The following PCDHA13 variants were observed in gnomAD, a reference collection of about 807,000 sequenced individuals.
PCDHA13 encodes protocadherin alpha-13.
A neutral mutation model predicts 64.8 loss-of-function variants in PCDHA13; 54 were observed. That is an observed-to-expected ratio of 0.83 (90% CI 0.67 to 1.04). The LOEUF is 1.04. Among genes scored for constraint, PCDHA13 ranks in the 50% least tolerant of loss-of-function variants. The pLI, the probability that PCDHA13 is intolerant of heterozygous loss-of-function variation, is 0.00. For missense variants in PCDHA13, 1,248 were observed against 1,254.3 expected (o/e 0.99, Z 0.08); for synonymous variants, 587 against 564.4 (o/e 1.04, Z -0.57).
At chr5:140,895,525 T>G (rs1172545825) in intron 1 of PCDHA13, among the ~76,000 whole-genome samples, 1 of 152,196 alleles carries the variant, frequency 6.6e-6, no homozygotes, top group Non-Finnish European at 1.5e-5. Context: ...GGTTTATTCG[T>G]TTTTCAATTG....
At chr5:140,931,853 G>A (rs2087796602) in intron 1 of PCDHA13, among the ~76,000 whole-genome samples, 1 of 151,744 alleles carries the variant, frequency 6.6e-6, no homozygotes, top group African/African-American at 2.4e-5. Context: ...ATAACAACAG[G>A]ATTCTAGAAA....
intron 3 of PCDHA13, among the ~76,000 whole-genome samples, chr5:140,998,973 G>A (rs572810777): frequency 1.3e-5 from 2 of 152,352 alleles, no homozygotes; most frequent in African/African-American, 2.4e-5. Flanking sequence ...TAGTATCCTA[G>A]AAAATAGTAG....
At chr5:140,942,406 G>GT (rs1554214961) in intron 1 of PCDHA13, among the ~76,000 whole-genome samples, 2 of 149,658 alleles carry the variant, frequency 1.3e-5, no homozygotes, top group South Asian at 2.1e-4. Flanking sequence ...ATGAGACTCT[G>GT]TTTAAAAAAA....
intron 1 of PCDHA13, among the ~76,000 whole-genome samples, chr5:140,900,353 C>T (rs1426808430): frequency 6.6e-6 from 1 of 152,092 alleles, no homozygotes; most frequent in Non-Finnish European, 1.5e-5. Flanking sequence ...TCTTGGCTCA[C>T]CGCAACCTCT....
At chr5:140,950,559 T>TAA (rs1381352344) in intron 1 of PCDHA13, among the ~76,000 whole-genome samples, 1 of 152,076 alleles carries the variant, frequency 6.6e-6, no homozygotes, top group African/African-American at 2.4e-5. Flanking sequence ...GGGGGACACT[T>TAA]ATTTTAAGGT....
intron 1 of PCDHA13, among the ~76,000 whole-genome samples, chr5:140,901,937 A>G (rs2068997026): frequency 6.7e-6 from 1 of 148,692 alleles, no homozygotes; most frequent in South Asian, 2.1e-4. Context: ...ATTCCTAGGT[A>G]TATTTAGTTT....
chr5:140,898,653 G>A (rs1321472129), intron 1 of PCDHA13, among the ~76,000 whole-genome samples: 1 of 152,202 alleles, frequency 6.6e-6, no homozygotes, highest in Non-Finnish European at 1.5e-5. Context: ...TTTTGGCTTA[G>A]GATTGACTTG....
intron 1 of PCDHA13, among the ~76,000 whole-genome samples, chr5:140,946,432 A>C (rs1254032204): frequency 6.6e-6 from 1 of 151,682 alleles, no homozygotes; most frequent in Admixed American, 6.6e-5. Context: ...GTTACTCAAA[A>C]ATTGAGACTA....
chr5:141,009,892 G>GTTT lies in PCDHA13; in HGVS notation c.2808_2809insTTT (p.Glu936_Lys937insPhe). 6.2e-7 allele frequency: 1 copy of GTTT among 1,612,140 alleles called. No individual in the cohort carries two copies. Among genetic ancestry groups the GTTT allele is most frequent in the Non-Finnish European group, 8.5e-7 (1 of 1,179,578 alleles). ...AGAAGAAGGGTAACAAGACCCAGGAGAAAAAAGAGAAAGGGAACAGCACGA... is the reference window on the plus strand; with the variant it reads ...AGAAGAAGGGTAACAAGACCCAGGAGTTTAAAAAAGAGAAAGGGAACAGCACGA... On this transcript the variant is annotated inframe_insertion, in exon 4 of 4. Transcript: ENST00000289272.
intron 1 of PCDHA13, among the ~76,000 whole-genome samples, chr5:140,972,667 T>G (rs1442293512): frequency 1.3e-5 from 2 of 149,086 alleles, no homozygotes; most frequent in East Asian, 3.9e-4. Context: ...CAAATTTTTT[T>G]TTTTTTTTTT....
intron 1 of PCDHA13, among the ~76,000 whole-genome samples, chr5:140,959,620 G>GA (rs1247214459): frequency 4.6e-5 from 7 of 151,966 alleles, no homozygotes; most frequent in African/African-American, 1.4e-4. Context: ...GCTTGTGATA[G>GA]AAAAAAAGAG....
intron 1 of PCDHA13, among the ~76,000 whole-genome samples, chr5:140,918,680 C>T (rs1291001659): frequency 6.6e-6 from 1 of 152,084 alleles, no homozygotes; most frequent in Non-Finnish European, 1.5e-5. Flanking sequence ...GAGGTGAGAC[C>T]TTTCAAACAT....
intron 3 of PCDHA13, 66 bp from the exon 4 acceptor site, chr5:141,009,561 A>C: frequency 6.4e-7 from 1 of 1,571,278 alleles, no homozygotes; most frequent in Non-Finnish European, 8.6e-7. Context: ...CCTGTACTCT[A>C]CCAGCAGTGT....
chr5:140,928,166 T>G, intron 1 of PCDHA13: 1 of 1,614,142 alleles, frequency 6.2e-7, no homozygotes, highest in South Asian at 1.1e-5. Context: ...TCACCCCCAC[T>G]TAGCACCCGA....
chr5:140,897,885 C>G (rs1554187646), intron 1 of PCDHA13, among the ~76,000 whole-genome samples: 1 of 152,182 alleles, frequency 6.6e-6, no homozygotes, highest in Non-Finnish European at 1.5e-5. Context: ...GCCATTCTAA[C>G]TGGTGTGAGA....
At chr5:140,895,116 T>C (rs2064856298) in intron 1 of PCDHA13, among the ~76,000 whole-genome samples, 1 of 152,182 alleles carries the variant, frequency 6.6e-6, no homozygotes, top group African/African-American at 2.4e-5. Flanking sequence ...AAGAAGACAT[T>C]TGTTAGTTGA....
intron 1 of PCDHA13, chr5:140,926,741 A>G (rs572260372): frequency 1.7e-6 from 2 of 1,192,504 alleles, no homozygotes; most frequent in South Asian, 2.4e-5. Flanking sequence ...GGGAGGCGCA[A>G]CGTCGGCGGT....
intron 1 of PCDHA13, among the ~76,000 whole-genome samples, chr5:140,898,222 T>G (rs1373386970): frequency 1.3e-5 from 2 of 152,230 alleles, no homozygotes; most frequent in Non-Finnish European, 2.9e-5. Flanking sequence ...TTTTGGCTTT[T>G]GTTGCCATTG....
chr5:140,915,937 G>A (rs782632336), intron 1 of PCDHA13, among the ~76,000 whole-genome samples: 7 of 152,104 alleles, frequency 4.6e-5, no homozygotes, highest in African/African-American at 7.2e-5. Flanking sequence ...GTCAGGGATT[G>A]GAGTCAAAAT....
Sources: gnomAD v4.1 joint callset for allele counts (sites outside exome capture counted in the v4.1 genomes callset) on GRCh38, gnomAD v4.1.1 for gene constraint, MANE v1.5 for transcripts, NCBI Gene and HGNC (gene_info 2026-07-23, HGNC 2026-07-21) for gene names.